HPS4: variants seen among roughly 807,000 people sequenced by gnomAD.
HPS4 encodes the protein HPS4 biogenesis of lysosomal organelles complex 3 subunit 2.
A neutral mutation model predicts 70.3 loss-of-function variants in HPS4; 44 were observed. The ratio of observed to expected loss-of-function variants is 0.63; its 90% confidence interval spans 0.49 to 0.80. The LOEUF (loss-of-function observed/expected upper bound fraction) is 0.80, where lower values mean the gene tolerates loss of function less well. HPS4 is among the 30% of genes least tolerant of loss of function. HPS4 has a pLI of 0.00. For synonymous variants in HPS4, 377 were observed against 355.9 expected (o/e 1.06, Z -0.67); for missense variants, 873 against 884.4 (o/e 0.99, Z 0.16).
chr22:26,447,680 C>A (rs2084999584), downstream of HPS4, among the ~76,000 whole-genome samples: 1 of 152,088 alleles, frequency 6.6e-6, no homozygotes, highest in Non-Finnish European at 1.5e-5. Context: ...CAGATGTAAA[C>A]ACAGGGAACA....
rs1382760703 is a variant in HPS4 at position 26,461,292 on chromosome 22, C to T, written c.1713+2625G>A. On this transcript the variant is annotated intron_variant, in intron 11 of 13. Transcript: ENST00000398145. ...AAGCCTCATGTACTGTACACAGAAG[C>T]TCCATGTCCTATTGTAGTGATAAAT... Among the ~76,000 whole-genome samples, 3 of 152,232 alleles carry T rather than the reference C, an allele frequency of 2.0e-5. 1 individual carries two copies. Among genetic ancestry groups the T allele is most frequent in the Non-Finnish European group, 2.9e-5 (2 of 68,046 alleles).
chr22:26,470,859 A>C (rs553721010), intron 6 of HPS4, 46 bp from the exon 7 acceptor site: 17 of 1,611,986 alleles, frequency 1.1e-5, no homozygotes, highest in Non-Finnish European at 1.4e-5. Context: ...GCATGCTCAC[A>C]ATCAGGAAGG....
chr22:26,468,290 T>TG, intron 8 of HPS4: 1 of 527,696 alleles, frequency 1.9e-6, no homozygotes, highest in Non-Finnish European at 3.4e-6. Context: ...CAAATTCTTA[T>TG]GGGAAGTCGA....
At chr22:26,475,347 C>CTTTTTTTTTTTTT (rs5844705) in intron 4 of HPS4, 1 of 95,644 alleles carries the variant, frequency 1.0e-5, no homozygotes, top group African/African-American at 3.9e-5. Context: ...CATTAAATTT[C>CTTTTTTTTTTTTT]TTTTTTTTTT....
At chr22:26,476,316 T>G (rs1169860728) in intron 4 of HPS4, 1 of 152,154 alleles carries the variant, frequency 6.6e-6, no homozygotes, top group Non-Finnish European at 1.5e-5. Context: ...CACTTTAGAT[T>G]ATATGCTACT....
chr22:26,469,397 G>A (rs1434190553), intron 7 of HPS4, among the ~76,000 whole-genome samples: 1 of 152,024 alleles, frequency 6.6e-6, no homozygotes, highest in Non-Finnish European at 1.5e-5. Flanking sequence ...GTAGTAAGCT[G>A]TGTTTATGCC....
Position 26,482,073 on chromosome 22 carries a change from T to C in HPS4, c.-311A>G. 1 of 384,086 alleles carries C rather than the reference T, an allele frequency of 2.6e-6. No individual in the cohort carries two copies. The highest frequency in any genetic ancestry group is 4.0e-5 in the Admixed American group (1 of 25,306). The allele number at this position is 384,086 out of a possible 1,614,324, so 23.8% of individuals were successfully genotyped here. On this transcript the variant is annotated 5_prime_UTR_variant, in exon 2 of 14. Coordinates refer to ENST00000398145, the MANE Select transcript of HPS4 (RefSeq NM_022081.6). Reference sequence around the variant, plus strand: ...CTGGTTTCCTAAGTATCACTGTGGCTGTCTGCAGAACCACCTCTTCAAGCT... The same window carrying C: ...CTGGTTTCCTAAGTATCACTGTGGCCGTCTGCAGAACCACCTCTTCAAGCT...
At chr22:26,457,831 G>C in intron 13 of HPS4, 28 bp downstream of exon 13, 1 of 1,564,068 alleles carries the variant, frequency 6.4e-7, no homozygotes. Flanking sequence ...GTGGAGAGTA[G>C]GTTGGGGAGC....
At chr22:26,476,720 A>G (rs1326553433) in intron 4 of HPS4, 2 of 439,808 alleles carry the variant, frequency 4.5e-6, no homozygotes, top group East Asian at 9.4e-5. Context: ...TTTACAACAC[A>G]GAGTAAACAG....
intron 4 of HPS4, among the ~76,000 whole-genome samples, chr22:26,474,954 T>A (rs557802758): frequency 6.0e-4 from 91 of 152,262 alleles, no homozygotes; most frequent in Middle Eastern, 3.4e-3. Context: ...GTGGAGTAAC[T>A]GGAATTCTCA....
intron 11 of HPS4, among the ~76,000 whole-genome samples, chr22:26,460,477 G>T (rs1055992763): frequency 1.5e-4 from 23 of 152,216 alleles, no homozygotes; most frequent in Non-Finnish European, 2.2e-4. Context: ...TCAAGAACGT[G>T]CTAACAGTCA....
intron 13 of HPS4, 149 bp downstream of exon 13, chr22:26,457,710 G>GC (rs1407310597): frequency 1.9e-5 from 13 of 694,856 alleles, no homozygotes; most frequent in Non-Finnish European, 3.1e-5. Context: ...GATGATGGCG[G>GC]CAATAGGAAC....
Position 26,464,459 on chromosome 22 carries a change from G to A in HPS4, c.1171C>T (p.His391Tyr), listed in dbSNP as rs2088046342. ...GCCCTGCCATCTGGAACAGGCACAT[G>A]TAGGAAGGCAAAATGACCTGAGGCC... Reference protein sequence around the residue: ...EMASGHFAFLHVPVPDGRAPY... With the variant: ...EMASGHFAFLYVPVPDGRAPY... Residue 391 changes from histidine to tyrosine, a missense_variant, in exon 11 of 14, where the codon CAT becomes TAT. Coordinates refer to ENST00000398145, the MANE Select transcript of HPS4 (RefSeq NM_022081.6). 1 of 1,614,192 alleles carries A rather than the reference G, an allele frequency of 6.2e-7. No homozygotes were observed. Among genetic ancestry groups the A allele is most frequent in the African/African-American group, 1.3e-5 (1 of 75,042 alleles).
downstream of HPS4, among the ~76,000 whole-genome samples, chr22:26,449,665 G>A (rs560012840): frequency 1.5e-4 from 23 of 152,082 alleles, no homozygotes; most frequent in East Asian, 2.1e-3. Context: ...TGTGCCCCGC[G>A]CCATGGCAAC....
chr22:26,470,815 T>G lies in HPS4; in HGVS notation c.502-2A>C. ...CTTCAGCAACAACAGGGGCTCCACC[T>G]GTGCAGGGCAAGAGGCATCATGCCC... On this transcript the variant is annotated splice_acceptor_variant, in intron 6 of 13. Transcript: ENST00000398145. LOFTEE classifies it high-confidence loss of function. 6.2e-7 allele frequency: 1 copy of G among 1,614,090 alleles called. No homozygotes were observed. Among genetic ancestry groups the G allele is most frequent in the South Asian group, 1.1e-5 (1 of 91,070 alleles).
At position 26,463,925 on chromosome 22, in the gene HPS4, C is replaced by G; in HGVS notation, c.1705G>C (p.Glu569Gln). 6.2e-7 allele frequency: 1 copy of G among 1,613,418 alleles called. No individual in the cohort carries two copies. ...EPLLGDSAAI[E>Q]EVYHSSLASL... The stretch of plus-strand genomic sequence containing the variant: ...GGTCTGAGGACACTCACCACTTCCT[C>G]TATGGCTGCGCTGTCTCCCAGCAGC... The change falls in exon 11 of 14, where the codon GAG becomes CAG. Residue 569 changes from glutamate (E) to glutamine (Q), a missense_variant. Physicochemically the swap from Glu to Gln is conservative, Grantham distance 29 (BLOSUM62 2). Coordinates refer to ENST00000398145, the MANE Select transcript of HPS4 (RefSeq NM_022081.6).
chr22:26,459,156 G>T (rs1285968547), intron 11 of HPS4, among the ~76,000 whole-genome samples: 1 of 152,192 alleles, frequency 6.6e-6, no homozygotes, highest in Non-Finnish European at 1.5e-5. Context: ...CTCACTGGAT[G>T]TAACACGGTA....
At chr22:26,457,211 T>C (rs5761535) in intron 13 of HPS4, among the ~76,000 whole-genome samples, 3,230 of 9,144 alleles carry the variant, frequency 0.35, 310 homozygotes, top group Middle Eastern at 0.47. Context: ...CACGTATTAC[T>C]TTTTTTTTTT....
intron 3 of HPS4, chr22:26,444,954 C>G (rs2084904298): frequency 6.6e-6 from 1 of 152,166 alleles, no homozygotes; most frequent in African/African-American, 2.4e-5. Context: ...ACCTAGCTAC[C>G]TGCATTCATG....
Sources: allele counts gnomAD v4.1 joint callset (sites outside exome capture counted in the v4.1 genomes callset), GRCh38; gene constraint gnomAD v4.1.1; transcripts MANE v1.5; gene names NCBI Gene and HGNC (gene_info 2026-07-23, HGNC 2026-07-21).